The following ABL2 variants were observed in gnomAD, a reference collection of about 807,000 sequenced individuals.
The protein encoded by ABL2 is ABL proto-oncogene 2, non-receptor tyrosine kinase.
In ABL2, 49 loss-of-function variants were observed where a neutral mutation model predicts 107.7. The observed-to-expected ratio is 0.45, with a 90% confidence interval of 0.36 to 0.58. The LOEUF is 0.58. ABL2 is among the 20% of genes least tolerant of loss of function. The pLI is 0.00. For missense variants in ABL2, 1,245 were observed against 1,457.0 expected (o/e 0.85, Z 2.37); for synonymous variants, 549 against 548.6 (o/e 1.00, Z -0.01).
intron 1 of ABL2, among the ~76,000 whole-genome samples, chr1:179,185,147 C>T (rs1220082341): frequency 6.6e-6 from 1 of 152,102 alleles, no homozygotes; most frequent in Non-Finnish European, 1.5e-5. Flanking sequence ...CATCTGTCTA[C>T]TTTCTCTTGT....
At chr1:179,178,833 G>A (rs1265842213) in intron 1 of ABL2, among the ~76,000 whole-genome samples, 1 of 151,990 alleles carries the variant, frequency 6.6e-6, no homozygotes, top group African/African-American at 2.4e-5. Flanking sequence ...GGATGTGGAG[G>A]TTGCAGTGAG....
chr1:179,108,799 T>C lies in ABL2; in HGVS notation c.2468A>G (p.Glu823Gly), dbSNP rs1653733447. ...ERTVSTSSQP[E>G]ENVDRANDML... ...GTCATTGGCCCTGTCCACATTCTCT[T>C]CTGGCTGAGAAGAGGTGGACACTGT... The change falls in exon 12 of 12, where the codon GAA becomes GGA. Residue 823 changes from glutamate (E) to glycine (G), a missense_variant. Glu to Gly is a moderately conservative substitution (Grantham distance 98). Coordinates refer to ENST00000502732, the MANE Select transcript of ABL2 (RefSeq NM_007314.4). 1 of 1,614,078 alleles carries C rather than the reference T, an allele frequency of 6.2e-7. No homozygotes were observed. The highest frequency in any genetic ancestry group is 1.7e-5 in the Admixed American group (1 of 60,004).
At chr1:179,146,273 A>C (rs943204920) in intron 1 of ABL2, among the ~76,000 whole-genome samples, 3 of 152,204 alleles carry the variant, frequency 2.0e-5, no homozygotes, top group Admixed American at 6.5e-5. Context: ...GAACTTAACG[A>C]TATGGTTTGA....
intron 1 of ABL2, 53 bp downstream of exon 1, chr1:179,229,188 A>AC: frequency 1.6e-5 from 2 of 125,700 alleles, no homozygotes; most frequent in Non-Finnish European, 1.2e-5. Context: ...CCCCGCCCCG[A>AC]CCCCACCCCC....
intron 1 of ABL2, among the ~76,000 whole-genome samples, chr1:179,212,178 G>A (rs1050246081): frequency 1.3e-5 from 2 of 152,166 alleles, no homozygotes; most frequent in African/African-American, 4.8e-5. Context: ...CAGGAGAACA[G>A]CATGGGAGAA....
chr1:179,176,671 T>C (rs1467456284), intron 1 of ABL2, among the ~76,000 whole-genome samples: 1 of 151,884 alleles, frequency 6.6e-6, no homozygotes, highest in African/African-American at 2.4e-5. Context: ...TTAGCAGCAG[T>C]CAGCATTTGT....
intron 9 of ABL2, among the ~76,000 whole-genome samples, chr1:179,114,438 C>T (rs1654419416): frequency 6.6e-6 from 1 of 152,138 alleles, no homozygotes; most frequent in Non-Finnish European, 1.5e-5. Context: ...AACAACAACA[C>T]AAATAAACAA....
At chr1:179,117,284 TA>T (rs56346584) in intron 8 of ABL2, 47 bp downstream of exon 8, 14,462 of 1,195,754 alleles carry the variant, frequency 0.012, 148 homozygotes, top group African/African-American at 0.084. Context: ...AAGGCATTTA[TA>T]AAAAAAAAAA....
At chr1:179,185,827 A>G (rs1557983475) in intron 1 of ABL2, among the ~76,000 whole-genome samples, 1 of 152,176 alleles carries the variant, frequency 6.6e-6, no homozygotes, top group East Asian at 1.9e-4. Flanking sequence ...CTGTAATACT[A>G]TTTTTTTAAT....
chr1:179,203,538 T>G (rs373507920), intron 1 of ABL2, among the ~76,000 whole-genome samples: 72 of 152,146 alleles, frequency 4.7e-4, no homozygotes, highest in African/African-American at 9.4e-4. Context: ...GTCTTTTTTT[T>G]TTGTTGCTAT....
At chr1:179,169,614 A>T (rs1057225807) in intron 1 of ABL2, among the ~76,000 whole-genome samples, 1 of 152,172 alleles carries the variant, frequency 6.6e-6, no homozygotes, top group African/African-American at 2.4e-5. Flanking sequence ...GGGAAAGTCA[A>T]ATACAGGAAA....
intron 1 of ABL2, among the ~76,000 whole-genome samples, chr1:179,179,777 T>C (rs1660262412): frequency 6.6e-6 from 1 of 152,008 alleles, no homozygotes; most frequent in Non-Finnish European, 1.5e-5. Flanking sequence ...ACAACTGTGA[T>C]ATATATTAAT....
At chr1:179,121,915 ATTTTTTTTTTTTTTTT>A in intron 4 of ABL2, 48 bp from the exon 5 acceptor site, 3 of 691,160 alleles carry the variant, frequency 4.3e-6, no homozygotes, top group South Asian at 2.1e-5. Flanking sequence ...GAGATTAAGA[ATTTTTTTTTTTTTTTT>A]TTTTTTTTTT....
At chr1:179,191,547 A>C (rs1053825887) in intron 1 of ABL2, among the ~76,000 whole-genome samples, 24 of 150,756 alleles carry the variant, frequency 1.6e-4, no homozygotes, top group African/African-American at 4.4e-4. Context: ...CATCCTCCCA[A>C]GTAGCTGGGA....
At chr1:179,111,431 G>C (rs964554473) in intron 10 of ABL2, among the ~76,000 whole-genome samples, 10 of 151,592 alleles carry the variant, frequency 6.6e-5, no homozygotes, top group Non-Finnish European at 7.4e-5. Context: ...GATTACAGGC[G>C]CCTGCCATCA....
In ABL2 at chr1:179,100,744, A is replaced by C. The variant is rs1653026704; in HGVS notation, c.*6974T>G. On this transcript the variant is annotated 3_prime_UTR_variant, in exon 12 of 12. Coordinates refer to ENST00000502732, the MANE Select transcript of ABL2 (RefSeq NM_007314.4). ...CAGTGATGAACAAAGAACCTTCCAG[A>C]ATAGACACAGATGACATGTATCACA... 1 of 231,066 alleles carries C rather than the reference A, an allele frequency of 4.3e-6. No individual in the cohort carries two copies. Among genetic ancestry groups the C allele is most frequent in the African/African-American group, 2.2e-5 (1 of 45,244 alleles). 14.3% of individuals were successfully genotyped at this position (231,066 alleles called of 1,614,324 possible).
chr1:179,118,745 T>C lies in ABL2; in HGVS notation c.1065A>G (p.Pro355=). The change falls in exon 7 of 12, where the codon CCA becomes CCG. Residue 355 remains proline, a synonymous_variant. Coordinates refer to ENST00000502732, the MANE Select transcript of ABL2 (RefSeq NM_007314.4). ...TGTATTCAGTCACAATGTAAAATGG[T>C]GGCTCCAAAGTACACACACCTAAAA... The part of the protein sequence containing the change: ...VQLLGVCTLE[P]PFYIVTEYMP... 6.2e-7 allele frequency: 1 copy of C among 1,614,078 alleles called. No homozygotes were observed. Among genetic ancestry groups the C allele is most frequent in the Non-Finnish European group, 8.5e-7 (1 of 1,180,002 alleles).
At chr1:179,175,780 G>C (rs1660001883) in intron 1 of ABL2, among the ~76,000 whole-genome samples, 1 of 151,988 alleles carries the variant, frequency 6.6e-6, no homozygotes, top group Non-Finnish European at 1.5e-5. Flanking sequence ...GCTGATGAAA[G>C]GGAATGATGA....
At chr1:179,166,321 G>A (rs1228221231) in intron 1 of ABL2, among the ~76,000 whole-genome samples, 1 of 150,796 alleles carries the variant, frequency 6.6e-6, no homozygotes, top group African/African-American at 2.4e-5. Context: ...TGTTTAATGG[G>A]AGAAAATATT....
Sources: gnomAD v4.1 joint callset for allele counts (sites outside exome capture counted in the v4.1 genomes callset) on GRCh38, gnomAD v4.1.1 for gene constraint, MANE v1.5 for transcripts, NCBI Gene and HGNC (gene_info 2026-07-23, HGNC 2026-07-21) for gene names.